The following SYMPK variants were observed in gnomAD, a reference collection of about 807,000 sequenced individuals.
SYMPK encodes symplekin.
A neutral mutation model predicts 136.4 loss-of-function variants in SYMPK; 49 were observed. The observed-to-expected ratio is 0.36, with a 90% CI of 0.29 to 0.46. The LOEUF (loss-of-function observed/expected upper bound fraction) is 0.46, where lower values mean the gene tolerates loss of function less well. SYMPK is among the 20% of genes least tolerant of loss of function. The probability of loss-of-function intolerance (pLI) is 1.00; values close to 1 mark genes in which losing one functional copy is unlikely to be tolerated. For synonymous variants in SYMPK, 766 were observed against 713.0 expected (o/e 1.07, Z -1.19); for missense variants, 1,365 against 1,690.0 (o/e 0.81, Z 3.37).
At chr19:45,856,651 C>T (rs1971829838) in intron 1 of SYMPK, among the ~76,000 whole-genome samples, 1 of 152,118 alleles carries the variant, frequency 6.6e-6, no homozygotes, top group Non-Finnish European at 1.5e-5. Context: ...ACTGCATAAA[C>T]TGCTAACAAC....
Position 45,815,453 on chromosome 19 carries a change from A to T in SYMPK, c.*107T>A. The T allele has an allele frequency of 2.7e-6, 3 of 1,112,808 alleles. No individual in the cohort carries two copies. Among genetic ancestry groups the T allele is most frequent in the Non-Finnish European group, 2.5e-6 (2 of 812,464 alleles). 68.9% of individuals were successfully genotyped at this position (1,112,808 alleles called of 1,614,324 possible). A position where few individuals can be genotyped will look rare whatever the true frequency, so the allele number is the denominator to read the frequency against. ...TTTTTTCTTTTCAGTAACTTGCCCA[A>T]GTTCACATCTTTTATTTCTTTTTAA... On this transcript the variant is annotated 3_prime_UTR_variant, in exon 27 of 27. Coordinates refer to ENST00000245934, the MANE Select transcript of SYMPK (RefSeq NM_004819.3).
intron 12 of SYMPK, chr19:45,831,160 T>C (rs1971159988): frequency 2.7e-6 from 1 of 368,474 alleles, no homozygotes; most frequent in Non-Finnish European, 4.6e-6. Context: ...ATTTTAGACA[T>C]AAAAAAGGAT....
chr19:45,823,626 T>C (rs1970962285), intron 19 of SYMPK, 141 bp downstream of exon 19: 2 of 972,062 alleles, frequency 2.1e-6, no homozygotes, highest in African/African-American at 1.6e-5. Context: ...CTGTTCCAAA[T>C]GGAGAAACTG....
chr19:45,835,304 C>A (rs138729705), intron 10 of SYMPK, 76 bp from the exon 11 acceptor site: 2 of 1,448,476 alleles, frequency 1.4e-6, no homozygotes, highest in Non-Finnish European at 9.2e-7. Flanking sequence ...CATGCCAATA[C>A]TGGGGAAATG....
chr19:45,823,193 C>T (rs143321362), intron 20 of SYMPK, among the ~76,000 whole-genome samples, 179 bp downstream of exon 20: 3 of 152,314 alleles, frequency 2.0e-5, no homozygotes, highest in Non-Finnish European at 4.4e-5. Flanking sequence ...AGGAGCTGCT[C>T]CGCATTTCCA....
At chr19:45,835,768 C>T (rs1971287304) in intron 10 of SYMPK, among the ~76,000 whole-genome samples, 1 of 151,992 alleles carries the variant, frequency 6.6e-6, no homozygotes, top group Non-Finnish European at 1.5e-5. Flanking sequence ...AAAAATTAGC[C>T]TGGCGCAGCA....
At chr19:45,826,488 GC>G in intron 16 of SYMPK, 115 bp from the exon 17 acceptor site, 1 of 1,163,290 alleles carries the variant, frequency 8.6e-7, no homozygotes, top group Non-Finnish European at 1.2e-6. Context: ...AGAAGGGGCA[GC>G]CCAGCTGTTA....
At chr19:45,862,296 C>T (rs939432857) in intron 1 of SYMPK, among the ~76,000 whole-genome samples, 4 of 152,158 alleles carry the variant, frequency 2.6e-5, no homozygotes, top group Non-Finnish European at 5.9e-5. Context: ...GTTTCCCCTT[C>T]CCTCTCGATG....
chr19:45,835,021 A>C, intron 11 of SYMPK, 57 bp downstream of exon 11: 1 of 1,433,876 alleles, frequency 7.0e-7, no homozygotes, highest in East Asian at 2.4e-5. Context: ...CAGTAAGGAG[A>C]ACCCAGAAGC....
At chr19:45,847,592 G>T (rs1013082197) in intron 7 of SYMPK, among the ~76,000 whole-genome samples, 160 bp downstream of exon 7, 1 of 152,134 alleles carries the variant, frequency 6.6e-6, no homozygotes, top group East Asian at 1.9e-4. Context: ...TGAGTAAGCA[G>T]TGCAGCTGGG....
chr19:45,860,586 A>G (rs1971942665), intron 1 of SYMPK, among the ~76,000 whole-genome samples: 1 of 152,194 alleles, frequency 6.6e-6, no homozygotes. Flanking sequence ...AACCTCAGAC[A>G]CCAAGGTTTA....
At position 45,844,135 on chromosome 19, in the gene SYMPK, T is replaced by C; in HGVS notation, c.742A>G (p.Ile248Val). 1.2e-6 allele frequency: 2 copies of C among 1,612,444 alleles called. No homozygotes were observed. Among genetic ancestry groups the C allele is most frequent in the Non-Finnish European group, 1.7e-6 (2 of 1,179,344 alleles). The change falls in exon 8 of 27, where the codon ATC (isoleucine) becomes GTC (valine). Residue 248 changes from isoleucine to valine, a missense_variant. Physicochemically the swap from Ile to Val is conservative, Grantham distance 29. Transcript: ENST00000245934. The stretch of plus-strand genomic sequence containing the variant: ...GCTGTGGTCAGGTTGATGGAGGAGA[T>C]GGCAGGGTGCACCATGAACTTAAGC... ...QLLKFMVHPA[I>V]SSINLTTALG...
chr19:45,842,440 C>T lies in SYMPK; in HGVS notation c.897G>A (p.Lys299=), dbSNP rs1971463868. 1 of 1,614,036 alleles carries T rather than the reference C, an allele frequency of 6.2e-7. No individual in the cohort carries two copies. Among genetic ancestry groups the T allele is most frequent in the Non-Finnish European group, 8.5e-7 (1 of 1,180,050 alleles). Residue 299 remains lysine (K), a synonymous_variant, in exon 9 of 27, where the codon AAG becomes AAA. Transcript: ENST00000245934. ...LAKSQVSSVR[K]NLKLHLLSVL... ...CACTCAACAGGTGCAGCTTCAGATTCTTACGCACACTGCTCACCTGCGATT... is the reference window on the plus strand; with the variant it reads ...CACTCAACAGGTGCAGCTTCAGATTTTTACGCACACTGCTCACCTGCGATT...
chr19:45,838,429 C>T, intron 10 of SYMPK, 32 bp downstream of exon 10: 1 of 1,596,004 alleles, frequency 6.3e-7, no homozygotes, highest in Non-Finnish European at 8.6e-7. Context: ...TCCTTCCTGC[C>T]CAGGGGGAAA....
chr19:45,844,158 A>C lies in SYMPK; in HGVS notation c.719T>G (p.Leu240Arg), dbSNP rs777599782. The part of the protein sequence containing the change: ...EEGKAALEQL[L>R]KFMVHPAISS... Reference sequence around the variant, plus strand: ...GATGGCAGGGTGCACCATGAACTTAAGCAGCTGCTCCAAGGCTGCCTTGCC... The same window carrying C: ...GATGGCAGGGTGCACCATGAACTTACGCAGCTGCTCCAAGGCTGCCTTGCC... The change falls in exon 8 of 27, where the codon CTT becomes CGT. Residue 240 changes from leucine (L) to arginine (R), a missense_variant. Leu to Arg is a moderately radical substitution (Grantham distance 102, BLOSUM62 -2). Coordinates refer to ENST00000245934, the MANE Select transcript of SYMPK (RefSeq NM_004819.3). 17 of 1,611,640 alleles carry C rather than the reference A, an allele frequency of 1.1e-5. No individual in the cohort carries two copies. The highest frequency in any genetic ancestry group is 1.7e-6 in the Non-Finnish European group (2 of 1,178,984).
chr19:45,826,785 GCAGCACATGGCCATGGCCAGGGC>G (rs1253459192), intron 16 of SYMPK, among the ~76,000 whole-genome samples: 2 of 152,206 alleles, frequency 1.3e-5, no homozygotes, highest in African/African-American at 2.4e-5. Context: ...GACCCCAGCA[GCAGCACATGGCCATGGCCAGGGC>G]CAGGGCCAGG....
Position 45,822,817 on chromosome 19 carries a change from G to A in SYMPK, c.2730C>T (p.Leu910=), listed in dbSNP as rs1336569220. 1.2e-6 allele frequency: 2 copies of A among 1,614,098 alleles called. No individual in the cohort carries two copies. The highest frequency in any genetic ancestry group is 1.7e-5 in the Admixed American group (1 of 60,020). Residue 910 remains leucine (L), a synonymous_variant, in exon 21 of 27, where the codon CTC becomes CTT. Coordinates refer to ENST00000245934, the MANE Select transcript of SYMPK (RefSeq NM_004819.3). ...TCACCACGATGGGGTTGAGTTTGAT[G>A]AGTTTAGGCAGGGCCTGGATCACCT... is the stretch of plus-strand genomic sequence containing the variant. The part of the protein sequence containing the change: ...KKEVIQALPK[L]IKLNPIVVKE...
chr19:45,822,876 T>C, intron 20 of SYMPK, 30 bp from the exon 21 acceptor site: 1 of 1,541,508 alleles, frequency 6.5e-7, no homozygotes. Context: ...GGGGTGGGAG[T>C]TGAGTCACAT....
chr19:45,831,760 A>G (rs1382296144), intron 11 of SYMPK, among the ~76,000 whole-genome samples, 172 bp from the exon 12 acceptor site: 2 of 152,114 alleles, frequency 1.3e-5, no homozygotes, highest in Non-Finnish European at 2.9e-5. Context: ...TTTCAATACA[A>G]CTGAGGCTCA....
Sources: gnomAD v4.1 joint callset for allele counts (sites outside exome capture counted in the v4.1 genomes callset) on GRCh38, gnomAD v4.1.1 for gene constraint, MANE v1.5 for transcripts, NCBI Gene and HGNC (gene_info 2026-07-23, HGNC 2026-07-21) for gene names.